Variants in RAB3C observed in about 807,000 individuals in gnomAD.
RAB3C encodes ras-related protein Rab-3C.
RAB3C carries 17 observed loss-of-function variants against 26.4 expected under a neutral mutation model. The ratio of observed to expected loss-of-function variants is 0.64; its 90% confidence interval spans 0.44 to 0.97. The LOEUF (loss-of-function observed/expected upper bound fraction) is 0.97, where lower values mean the gene tolerates loss of function less well. RAB3C is among the 50% of genes least tolerant of loss of function. RAB3C has a pLI of 0.00. For synonymous variants in RAB3C, 91 were observed against 95.9 expected, an observed-to-expected ratio of 0.95 and a Z score of 0.30; for missense variants, 242 against 281.9, an observed-to-expected ratio of 0.86 and a Z score of 1.01.
intron 3 of RAB3C, chr5:58,823,230 A>G: frequency 3.5e-6 from 1 of 283,986 alleles, no homozygotes; most frequent in Admixed American, 4.3e-5. Context: ...GAGATATACA[A>G]TAAAGCTCAT....
chr5:58,673,549 A>G (rs1448070901), intron 2 of RAB3C, among the ~76,000 whole-genome samples: 4 of 152,048 alleles, frequency 2.6e-5, no homozygotes, highest in Non-Finnish European at 5.9e-5. Context: ...TTCCCATTTT[A>G]TAGAAACTAC....
intron 3 of RAB3C, among the ~76,000 whole-genome samples, chr5:58,779,701 A>G (rs1038616285): frequency 6.6e-6 from 1 of 152,148 alleles, no homozygotes; most frequent in African/African-American, 2.4e-5. Context: ...ACGATATAAG[A>G]TTTTAAAGGG....
chr5:58,816,629 A>G (rs1410165267), intron 3 of RAB3C, among the ~76,000 whole-genome samples: 8 of 152,150 alleles, frequency 5.3e-5, no homozygotes, highest in Non-Finnish European at 5.9e-5. Context: ...TGTATTTGTA[A>G]TTTGCGTTTT....
intron 1 of RAB3C, among the ~76,000 whole-genome samples, chr5:58,593,424 A>G (rs1561258603): frequency 6.6e-6 from 1 of 152,212 alleles, no homozygotes; most frequent in Non-Finnish European, 1.5e-5. Context: ...AGAAATGTAA[A>G]TAATAACATT....
At chr5:58,731,629 A>T (rs1741022278) in intron 3 of RAB3C, among the ~76,000 whole-genome samples, 1 of 152,152 alleles carries the variant, frequency 6.6e-6, no homozygotes, top group African/African-American at 2.4e-5. Flanking sequence ...TTGCAAACTG[A>T]TCTCTACTTG....
At chr5:58,771,977 A>G (rs1383856387) in intron 3 of RAB3C, among the ~76,000 whole-genome samples, 2 of 152,010 alleles carry the variant, frequency 1.3e-5, no homozygotes, top group African/African-American at 4.8e-5. Context: ...CTCAAAGTGT[A>G]TAAAATGGAA....
chr5:58,671,911 T>C (rs1363341807), intron 2 of RAB3C, among the ~76,000 whole-genome samples: 2 of 152,002 alleles, frequency 1.3e-5, no homozygotes, highest in African/African-American at 4.8e-5. Flanking sequence ...AAAATACACG[T>C]AAACAATGAC....
At chr5:58,832,642 A>T (rs139544668) in intron 4 of RAB3C, among the ~76,000 whole-genome samples, 1 of 152,312 alleles carries the variant, frequency 6.6e-6, no homozygotes, top group East Asian at 1.9e-4. Context: ...AGCTTAAAAG[A>T]TTAAGAATGT....
chr5:58,662,595 A>C (rs1747926940), intron 2 of RAB3C, among the ~76,000 whole-genome samples: 2 of 150,278 alleles, frequency 1.3e-5, no homozygotes, highest in South Asian at 4.1e-4. Context: ...AATTGGCCCA[A>C]ATGTCGTATA....
At chr5:58,652,405 CT>C (rs938188732) in intron 2 of RAB3C, among the ~76,000 whole-genome samples, 2 of 151,702 alleles carry the variant, frequency 1.3e-5, no homozygotes, top group Non-Finnish European at 2.9e-5. Context: ...AGAAACTTAT[CT>C]TTTTTTCTTA....
chr5:58,815,295 A>C (rs571968230), intron 3 of RAB3C, among the ~76,000 whole-genome samples: 1 of 152,164 alleles, frequency 6.6e-6, no homozygotes, highest in South Asian at 2.1e-4. Flanking sequence ...GAGCTATCTC[A>C]GGCACTCACA....
chr5:58,623,694 TG>T (rs1177691855), intron 2 of RAB3C, among the ~76,000 whole-genome samples: 2 of 152,198 alleles, frequency 1.3e-5, no homozygotes, highest in Non-Finnish European at 2.9e-5. Flanking sequence ...ATACAAAGGA[TG>T]GTACGGGCAT....
chr5:58,737,441 ATATATAT>A (rs1337948830), intron 3 of RAB3C, among the ~76,000 whole-genome samples: 6,187 of 51,196 alleles, frequency 0.12, 807 homozygotes, highest in Non-Finnish European at 0.13. Flanking sequence ...ATATATATAT[ATATATAT>A]AATTTACTTG....
intron 3 of RAB3C, among the ~76,000 whole-genome samples, chr5:58,804,026 C>A (rs1374574674): frequency 6.6e-6 from 1 of 150,668 alleles, no homozygotes; most frequent in Non-Finnish European, 1.5e-5. Flanking sequence ...TGCCATTGCA[C>A]TCCAGCCCAG....
intron 1 of RAB3C, among the ~76,000 whole-genome samples, chr5:58,610,645 A>C (rs1746679772): frequency 6.6e-6 from 1 of 152,088 alleles, no homozygotes; most frequent in Non-Finnish European, 1.5e-5. Flanking sequence ...ATTTCAAAGA[A>C]TAATTGCATT....
chr5:58,833,333 C>CACACACAT (rs1043996584), intron 4 of RAB3C, among the ~76,000 whole-genome samples: 2 of 151,150 alleles, frequency 1.3e-5, no homozygotes, highest in African/African-American at 4.9e-5. Context: ...ATCACACACA[C>CACACACAT]ACACACACAC....
intron 1 of RAB3C, among the ~76,000 whole-genome samples, chr5:58,594,614 G>T (rs1309169966): frequency 1.3e-5 from 2 of 151,994 alleles, no homozygotes; most frequent in East Asian, 1.9e-4. Context: ...ATATTCCTTT[G>T]TCTCGTAAGT....
intron 2 of RAB3C, among the ~76,000 whole-genome samples, chr5:58,678,327 T>C (rs1477787371): frequency 2.6e-5 from 4 of 152,172 alleles, no homozygotes; most frequent in African/African-American, 9.7e-5. Context: ...TTGGATATTA[T>C]GCTACAAATA....
intron 3 of RAB3C, among the ~76,000 whole-genome samples, chr5:58,762,773 TC>T: frequency 6.9e-6 from 1 of 144,160 alleles, no homozygotes; most frequent in Admixed American, 7.0e-5. Context: ...TGTCCATTTA[TC>T]CTTTTTACAG....
Sources: gnomAD v4.1 joint callset for allele counts (sites outside exome capture counted in the v4.1 genomes callset) on GRCh38, gnomAD v4.1.1 for gene constraint, MANE v1.5 for transcripts, NCBI Gene and HGNC (gene_info 2026-07-23, HGNC 2026-07-21) for gene names.